The following GALNT11 variants were observed in gnomAD, a reference collection of about 807,000 sequenced individuals.
The protein encoded by GALNT11 is UDP-GalNAc:polypeptide N-acetylgalactosaminyltransferase 11.
In GALNT11, 47 loss-of-function variants were observed where a neutral mutation model predicts 72.7. The observed-to-expected ratio is 0.65, with a 90% confidence interval of 0.51 to 0.82. GALNT11 has a LOEUF of 0.82. Among genes scored for constraint, GALNT11 ranks in the 40% least tolerant of loss-of-function variants. The probability of loss-of-function intolerance (pLI) is 0.00; values close to 1 mark genes in which losing one functional copy is unlikely to be tolerated. For synonymous variants in GALNT11, 270 were observed against 286.6 expected, an observed-to-expected ratio of 0.94 and a Z score of 0.58; for missense variants, 677 against 778.4, an observed-to-expected ratio of 0.87 and a Z score of 1.55.
chr7:152,098,343 T>G (rs1365129571), intron 2 of GALNT11, among the ~76,000 whole-genome samples: 1 of 151,856 alleles, frequency 6.6e-6, no homozygotes, highest in African/African-American at 2.4e-5. Flanking sequence ...GAGGATTGTT[T>G]GGGCCCAGGA....
intron 1 of GALNT11, among the ~76,000 whole-genome samples, chr7:152,053,047 CA>C (rs1245986658): frequency 2.0e-5 from 3 of 152,248 alleles, no homozygotes; most frequent in Non-Finnish European, 4.4e-5. Flanking sequence ...CTCACTTTCA[CA>C]GTTCTAAATC....
intron 1 of GALNT11, among the ~76,000 whole-genome samples, chr7:152,048,692 G>A (rs915215265): frequency 6.6e-6 from 1 of 151,742 alleles, no homozygotes; most frequent in African/African-American, 2.4e-5. Context: ...ACCACGCCTG[G>A]CTAATTTTTT....
At chr7:152,040,629 A>T (rs903596721) in intron 1 of GALNT11, among the ~76,000 whole-genome samples, 1 of 151,150 alleles carries the variant, frequency 6.6e-6, no homozygotes, top group African/African-American at 2.4e-5. Context: ...TGCTGCTTGC[A>T]ATTGGGTAAA....
At chr7:152,106,102 T>C (rs2087523991) in intron 5 of GALNT11, among the ~76,000 whole-genome samples, 1 of 152,214 alleles carries the variant, frequency 6.6e-6, no homozygotes, top group African/African-American at 2.4e-5. Flanking sequence ...TGACTGTAAT[T>C]AAAACATTTT....
chr7:152,113,181 A>T, intron 7 of GALNT11, 65 bp from the exon 8 acceptor site: 1 of 1,497,188 alleles, frequency 6.7e-7, no homozygotes, highest in Non-Finnish European at 9.0e-7. Context: ...TTTCATTGAA[A>T]ATTCATACAT....
chr7:152,091,529 C>T (rs1361632598), intron 1 of GALNT11, among the ~76,000 whole-genome samples: 3 of 152,042 alleles, frequency 2.0e-5, no homozygotes, highest in East Asian at 1.9e-4. Context: ...CGTGAGCCAC[C>T]GCGCCCGGCC....
chr7:152,055,019 G>A lies in GALNT11; in HGVS notation c.-39+29135G>A, dbSNP rs567665590. ...TAGCAAATCTGAAATCTGTGGAGCA[G>A]GCCAGAGACACAGGGAGGAGTTGCT... On this transcript the variant is annotated intron_variant, in intron 1 of 11. Coordinates refer to ENST00000430044, the MANE Select transcript of GALNT11 (RefSeq NM_022087.4). 2.6e-5 allele frequency among the ~76,000 whole-genome samples: 4 copies of A among 152,290 alleles called. No individual in the cohort carries two copies. The East Asian group carries it at 5.8e-4, about 22-fold the overall frequency.
chr7:152,057,043 G>A (rs1161559280), intron 1 of GALNT11, among the ~76,000 whole-genome samples: 11 of 135,246 alleles, frequency 8.1e-5, no homozygotes, highest in Non-Finnish European at 1.4e-4. Context: ...TCTTTGTAGC[G>A]ACAGGGTTTT....
chr7:152,078,338 A>T (rs185377627), intron 1 of GALNT11, among the ~76,000 whole-genome samples: 4 of 152,260 alleles, frequency 2.6e-5, no homozygotes, highest in Admixed American at 2.6e-4. Flanking sequence ...AGTATCTGGG[A>T]TTACAGGCGT....
chr7:152,045,394 G>A (rs1251525974), intron 1 of GALNT11, among the ~76,000 whole-genome samples: 1 of 152,148 alleles, frequency 6.6e-6, no homozygotes, highest in Non-Finnish European at 1.5e-5. Flanking sequence ...ATAAAATTCA[G>A]CATTGAAGCC....
At chr7:152,092,251 A>G (rs2086089635) in intron 1 of GALNT11, among the ~76,000 whole-genome samples, 1 of 152,170 alleles carries the variant, frequency 6.6e-6, no homozygotes, top group Admixed American at 6.5e-5. Context: ...ACTGCTCTGT[A>G]CATTTTTGTT....
At chr7:152,109,696 T>C (rs1224763432) in intron 6 of GALNT11, among the ~76,000 whole-genome samples, 2 of 152,236 alleles carry the variant, frequency 1.3e-5, no homozygotes, top group African/African-American at 4.8e-5. Context: ...TATTTATTTT[T>C]GCTTAGTGCC....
At chr7:152,065,289 G>A (rs2084244716) in intron 1 of GALNT11, among the ~76,000 whole-genome samples, 1 of 152,178 alleles carries the variant, frequency 6.6e-6, no homozygotes, top group South Asian at 2.1e-4. Flanking sequence ...CTCGTGCCAT[G>A]GTTTTCAGCT....
chr7:152,077,654 A>T (rs759505695), intron 1 of GALNT11, among the ~76,000 whole-genome samples: 5 of 152,136 alleles, frequency 3.3e-5, no homozygotes, highest in Non-Finnish European at 7.3e-5. Context: ...GACCCCAGTC[A>T]CCTAACAGAG....
chr7:152,118,620 G>C, intron 9 of GALNT11, 58 bp from the exon 10 acceptor site: 1 of 1,514,664 alleles, frequency 6.6e-7, no homozygotes. Context: ...CCACCTCCAG[G>C]CTTGGGAGGC....
intron 1 of GALNT11, among the ~76,000 whole-genome samples, chr7:152,027,077 G>A (rs984695003): frequency 4.6e-5 from 7 of 152,144 alleles, no homozygotes; most frequent in South Asian, 2.1e-4. Flanking sequence ...GTGAAATCCC[G>A]TCTCTACTAA....
chr7:152,041,221 A>T (rs573665181), intron 1 of GALNT11, among the ~76,000 whole-genome samples: 1 of 152,230 alleles, frequency 6.6e-6, no homozygotes, highest in Admixed American at 6.5e-5. Context: ...CCAAGTTATT[A>T]TTTTACCTAT....
chr7:152,112,283 A>G (rs2088308740), intron 7 of GALNT11, among the ~76,000 whole-genome samples: 1 of 152,194 alleles, frequency 6.6e-6, no homozygotes, highest in Non-Finnish European at 1.5e-5. Context: ...GCTCACGCCT[A>G]TAATCCCAGC....
chr7:152,050,306 A>C (rs1158622956), intron 1 of GALNT11, among the ~76,000 whole-genome samples: 3 of 152,136 alleles, frequency 2.0e-5, no homozygotes, highest in African/African-American at 7.2e-5. Context: ...TTGGGGCCCA[A>C]GCGCTCTTTA....
Sources: allele counts gnomAD v4.1 joint callset (sites outside exome capture counted in the v4.1 genomes callset), GRCh38; gene constraint gnomAD v4.1.1; transcripts MANE v1.5; gene names NCBI Gene and HGNC (gene_info 2026-07-23, HGNC 2026-07-21).